Variants in SSH2 observed in about 807,000 individuals in gnomAD.
SSH2 encodes slingshot protein phosphatase 2.
A neutral mutation model predicts 135.2 loss-of-function variants in SSH2; 37 were observed. The observed-to-expected ratio is 0.27, with a 90% confidence interval of 0.21 to 0.36. The LOEUF (loss-of-function observed/expected upper bound fraction) is 0.36. SSH2 is among the 10% of genes least tolerant of loss of function. The probability of loss-of-function intolerance (pLI) is 1.00; values close to 1 mark genes in which losing one functional copy is unlikely to be tolerated. For synonymous variants in SSH2, 628 were observed against 646.2 expected (o/e 0.97, Z 0.43); for missense variants, 1,408 against 1,765.3 (o/e 0.80, Z 3.63).
intron 2 of SSH2, among the ~76,000 whole-genome samples, chr17:29,833,423 A>C (rs1189800441): frequency 6.6e-6 from 1 of 152,092 alleles, no homozygotes; most frequent in Non-Finnish European, 1.5e-5. Flanking sequence ...TTTGGTTTCC[A>C]TTGGCATGGA....
rs8080046 is a variant in SSH2 at position 29,631,213 on chromosome 17, G to C, written c.3981C>G (p.His1327Gln). 1.2e-6 allele frequency: 2 copies of C among 1,613,978 alleles called. No homozygotes were observed. Among genetic ancestry groups the C allele is most frequent in the South Asian group, 2.2e-5 (2 of 91,086 alleles). ...QPFLRTDSGMHAMEDQESLEN... is the reference protein window; with the variant it reads ...QPFLRTDSGMQAMEDQESLEN... ...CTAGGGACTCTTGGTCCTCCATCGC[G>C]TGCATGCCTGAGTCTGTTCTGAGGA... Residue 1327 changes from histidine (H) to glutamine (Q), a missense_variant, in exon 16 of 16, where the codon CAC becomes CAG. His to Gln is a conservative substitution (Grantham distance 24). Transcript: ENST00000540801.
intron 3 of SSH2, among the ~76,000 whole-genome samples, chr17:29,711,695 G>A (rs2039435524): frequency 6.6e-6 from 1 of 152,202 alleles, no homozygotes; most frequent in South Asian, 2.1e-4. Flanking sequence ...GGTTTTGTAG[G>A]AAGCTGGAAT....
At chr17:29,657,545 A>G (rs1445368900) in intron 11 of SSH2, among the ~76,000 whole-genome samples, 11 of 145,030 alleles carry the variant, frequency 7.6e-5, no homozygotes, top group South Asian at 2.2e-4. Flanking sequence ...CTGGGATTAC[A>G]GGTGTGAGCC....
chr17:29,662,345 C>T (rs2037083676), intron 11 of SSH2, among the ~76,000 whole-genome samples: 1 of 152,270 alleles, frequency 6.6e-6, no homozygotes, highest in Non-Finnish European at 1.5e-5. Context: ...GGGAGTTCTG[C>T]TAAGATAAAT....
rs528870384 is a variant in SSH2 at position 29,872,611 on chromosome 17, TA to T, written c.64-23683del. Among the ~76,000 whole-genome samples the T allele has an allele frequency of 9.9e-4, 150 of 150,766 alleles. 2 individuals carry two copies. In the Middle Eastern group the frequency reaches 0.01, roughly 10 times the overall value. On this transcript the variant is annotated intron_variant, in intron 1 of 15. Transcript: ENST00000540801. ...TCTCTACAAAAATAAAAAATAAAAA[TA>T]AAAAAAAGGCAGAGGAGCTAGCGGT... is the stretch of plus-strand genomic sequence containing the variant.
chr17:29,855,476 G>A (rs1326271976), intron 1 of SSH2, among the ~76,000 whole-genome samples: 2 of 152,130 alleles, frequency 1.3e-5, no homozygotes, highest in Non-Finnish European at 2.9e-5. Flanking sequence ...CTGCACTCCC[G>A]CCTGCACAAT....
chr17:29,679,409 T>TA (rs914453226), intron 6 of SSH2, among the ~76,000 whole-genome samples: 2 of 150,088 alleles, frequency 1.3e-5, no homozygotes, highest in Middle Eastern at 3.2e-3. Flanking sequence ...TTATTTTTAT[T>TA]TTTTTTTTTA....
chr17:29,831,806 T>C (rs955701791), intron 2 of SSH2, among the ~76,000 whole-genome samples: 1 of 152,098 alleles, frequency 6.6e-6, no homozygotes, highest in African/African-American at 2.4e-5. Flanking sequence ...CTCCAACTCC[T>C]GGCCTCAGGT....
chr17:29,909,750 T>C (rs2066731636), intron 1 of SSH2, among the ~76,000 whole-genome samples: 1 of 152,172 alleles, frequency 6.6e-6, no homozygotes, highest in Admixed American at 6.5e-5. Flanking sequence ...AACCACCCCA[T>C]TACCAACCTA....
chr17:29,662,265 T>TG (rs1567854381), intron 11 of SSH2, among the ~76,000 whole-genome samples: 6 of 152,206 alleles, frequency 3.9e-5, no homozygotes, highest in Admixed American at 3.9e-4. Context: ...GAAATAGCCT[T>TG]GCTGGAGTCC....
chr17:29,745,435 C>G (rs1418969009), intron 3 of SSH2, among the ~76,000 whole-genome samples: 1 of 152,212 alleles, frequency 6.6e-6, no homozygotes, highest in African/African-American at 2.4e-5. Context: ...GCTGGGATTA[C>G]AGGCGTGAGC....
intron 1 of SSH2, among the ~76,000 whole-genome samples, chr17:29,875,183 T>C (rs1448543510): frequency 6.6e-6 from 1 of 152,156 alleles, no homozygotes; most frequent in African/African-American, 2.4e-5. Flanking sequence ...CTGAAACTTA[T>C]CATGTTAGAA....
At chr17:29,926,047 C>G (rs2067058685) in intron 1 of SSH2, among the ~76,000 whole-genome samples, 1 of 152,044 alleles carries the variant, frequency 6.6e-6, no homozygotes, top group Admixed American at 6.6e-5. Context: ...TCTCTGATCC[C>G]TCCCTGCAAA....
At chr17:29,899,325 G>C (rs2066503078) in intron 1 of SSH2, among the ~76,000 whole-genome samples, 1 of 152,120 alleles carries the variant, frequency 6.6e-6, no homozygotes, top group Non-Finnish European at 1.5e-5. Context: ...ATTAGGAAAA[G>C]AGGAAGTCAA....
rs774378542 is a variant in SSH2 at position 29,632,099 on chromosome 17, A to C, written c.3095T>G (p.Leu1032Arg). The change falls in exon 16 of 16, where the codon CTT (leucine) becomes CGT (arginine). Residue 1032 changes from leucine (L) to arginine (R), a missense_variant. Transcript: ENST00000540801. ...TTCAATGATTTCTACCCTCTTGGGA[A>C]GGGGAAGAGGGACTGCTTGTGTTTC... is the stretch of plus-strand genomic sequence containing the variant. ...ESETQAVPLP[L>R]PKRVEIIEYT... 1.2e-6 allele frequency: 2 copies of C among 1,614,156 alleles called. No homozygotes were observed. Among genetic ancestry groups the C allele is most frequent in the East Asian group, 2.2e-5 (1 of 44,876 alleles).
At chr17:29,691,106 C>A (rs534421248) in intron 5 of SSH2, among the ~76,000 whole-genome samples, 54 of 151,742 alleles carry the variant, frequency 3.6e-4, no homozygotes, top group South Asian at 6.3e-4. Context: ...GAAAAAAAAA[C>A]CCCACATAAT....
intron 2 of SSH2, among the ~76,000 whole-genome samples, chr17:29,823,414 C>A (rs1055473062): frequency 6.6e-6 from 1 of 152,140 alleles, no homozygotes; most frequent in South Asian, 2.1e-4. Flanking sequence ...GGCTAATGTT[C>A]CTCTGTGTGG....
At chr17:29,666,551 T>C (rs1459735925) in intron 11 of SSH2, among the ~76,000 whole-genome samples, 1 of 151,262 alleles carries the variant, frequency 6.6e-6, no homozygotes, top group African/African-American at 2.4e-5. Context: ...GGTGTGGTGG[T>C]ATGCACCTGT....
intron 14 of SSH2, chr17:29,645,200 A>G (rs2036323111): frequency 6.6e-6 from 1 of 152,140 alleles, no homozygotes; most frequent in African/African-American, 2.4e-5. Context: ...GGATCTCTTG[A>G]TTTTCATTTT....
Sources: allele counts gnomAD v4.1 joint callset (sites outside exome capture counted in the v4.1 genomes callset), GRCh38; gene constraint gnomAD v4.1.1; transcripts MANE v1.5; gene names NCBI Gene and HGNC (gene_info 2026-07-23, HGNC 2026-07-21).